NTM: variants seen among roughly 807,000 people sequenced by gnomAD.
NTM encodes the protein neurotrimin.
In NTM, 13 loss-of-function variants were observed where a neutral mutation model predicts 42.1. The observed-to-expected ratio is 0.31, with a 90% CI of 0.20 to 0.49. The LOEUF (loss-of-function observed/expected upper bound fraction) is 0.49, where lower values mean the gene tolerates loss of function less well. Ranked by LOEUF, NTM falls within the 20% of genes least tolerant of loss-of-function variation. NTM has a pLI of 0.99. For missense variants in NTM, 373 were observed against 452.8 expected (o/e 0.82, Z 1.60); for synonymous variants, 187 against 179.2 (o/e 1.04, Z -0.35).
chr11:132,040,565 A>C (rs2077051269), intron 2 of NTM, among the ~76,000 whole-genome samples: 1 of 152,204 alleles, frequency 6.6e-6, no homozygotes, highest in Non-Finnish European at 1.5e-5. Flanking sequence ...CAAATAATTA[A>C]TCCCAGGTGC....
At chr11:131,962,174 C>T (rs1380744246) in intron 2 of NTM, among the ~76,000 whole-genome samples, 3 of 152,012 alleles carry the variant, frequency 2.0e-5, no homozygotes, top group African/African-American at 7.2e-5. Context: ...TGAGGGAGCA[C>T]CAAGAAATAC....
At chr11:131,855,756 C>G (rs1443586317) in intron 1 of NTM, among the ~76,000 whole-genome samples, 2 of 152,148 alleles carry the variant, frequency 1.3e-5, no homozygotes, top group Non-Finnish European at 2.9e-5. Flanking sequence ...CTCTTCGGAT[C>G]CTTCTGTCTT....
chr11:132,188,435 C>A (rs2078776917), intron 3 of NTM, among the ~76,000 whole-genome samples: 1 of 152,146 alleles, frequency 6.6e-6, no homozygotes, highest in Admixed American at 6.5e-5. Context: ...GAGGTTCCTT[C>A]TCCTCCCAGA....
At chr11:131,729,555 A>G (rs905151934) in intron 1 of NTM, among the ~76,000 whole-genome samples, 11 of 152,134 alleles carry the variant, frequency 7.2e-5, no homozygotes, top group Non-Finnish European at 1.5e-4. Context: ...ATCACCCCCA[A>G]AAGAAACCCT....
At chr11:131,578,945 A>G (rs2058161154) in intron 1 of NTM, among the ~76,000 whole-genome samples, 1 of 152,192 alleles carries the variant, frequency 6.6e-6, no homozygotes, top group African/African-American at 2.4e-5. Flanking sequence ...GTCACAGGAA[A>G]AAGACAGAAA....
intron 1 of NTM, among the ~76,000 whole-genome samples, chr11:131,659,590 G>A (rs548238975): frequency 2.6e-5 from 4 of 152,198 alleles, no homozygotes; most frequent in African/African-American, 7.2e-5. Context: ...TCTGAAGTAC[G>A]GTGTTTTAGT....
chr11:132,191,042 A>G (rs530961709), intron 3 of NTM, among the ~76,000 whole-genome samples: 50 of 152,322 alleles, frequency 3.3e-4, no homozygotes, highest in African/African-American at 1.2e-3. Flanking sequence ...CCACAGATGT[A>G]GTAAGAGTAG....
intron 1 of NTM, among the ~76,000 whole-genome samples, chr11:131,879,835 T>C (rs2049189987): frequency 6.6e-6 from 1 of 152,180 alleles, no homozygotes; most frequent in Non-Finnish European, 1.5e-5. Context: ...CCATATATAG[T>C]CTTCTTTATG....
At chr11:131,464,365 G>C (rs538895178) in intron 1 of NTM, among the ~76,000 whole-genome samples, 6 of 152,134 alleles carry the variant, frequency 3.9e-5, no homozygotes, top group Admixed American at 2.0e-4. Context: ...AAGCTGGGGG[G>C]GGGGCAGCAA....
chr11:132,014,295 G>A (rs1043752550), intron 2 of NTM, among the ~76,000 whole-genome samples: 7 of 152,022 alleles, frequency 4.6e-5, no homozygotes, highest in Admixed American at 2.0e-4. Context: ...TTCATCAGTC[G>A]ATGGACAGTT....
intron 4 of NTM, among the ~76,000 whole-genome samples, chr11:132,242,852 G>A (rs540576785): frequency 6.6e-6 from 1 of 152,280 alleles, no homozygotes; most frequent in African/African-American, 2.4e-5. Context: ...TACAGAAATC[G>A]AGCTCCAGCT....
In NTM at chr11:131,911,622, C is replaced by A; in HGVS notation, c.141C>A (p.Val47=). The change falls in exon 2 of 9, where the codon GTC becomes GTA. Residue 47 remains valine (V), a synonymous_variant. Transcript: ENST00000683400. ...CCAAAGCTATGGACAACGTGACGGT[C>A]CGGCAGGGGGAGAGCGCCACCCTCA... ...TFPKAMDNVT[V]RQGESATLRC... The A allele has an allele frequency of 6.2e-7, 1 of 1,614,170 alleles. No homozygotes were observed. The highest frequency in any genetic ancestry group is 8.5e-7 in the Non-Finnish European group (1 of 1,180,018).
chr11:132,161,660 GC>G (rs2074322103), intron 3 of NTM, among the ~76,000 whole-genome samples: 1 of 151,300 alleles, frequency 6.6e-6, no homozygotes, highest in Admixed American at 6.6e-5. Context: ...TTCCCCTGGC[GC>G]CCCCTTGCCA....
At position 131,551,045 on chromosome 11, in the gene NTM, G is replaced by GT. The variant is rs567458124; in HGVS notation, c.82+180163dup. On this transcript the variant is annotated intron_variant, in intron 1 of 8. Coordinates refer to ENST00000683400, the MANE Select transcript of NTM (RefSeq NM_001352005.2). ...AGTTGTATTTTATGTTATTTTATTT[G>GT]TTTTTTGTAGAGAAATGATCTCACT... Among the ~76,000 whole-genome samples, 350 of 152,226 alleles carry GT rather than the reference G, an allele frequency of 2.3e-3. 1 individual carries two copies. In the Middle Eastern group the frequency reaches 0.024, roughly 10 times the overall value.
intron 4 of NTM, among the ~76,000 whole-genome samples, chr11:132,220,617 G>GT (rs1346744779): frequency 1.3e-5 from 2 of 152,120 alleles, no homozygotes; most frequent in Non-Finnish European, 2.9e-5. Context: ...ACTGTTTGTG[G>GT]TTTTACCCAA....
chr11:131,680,717 GCATATGTTTGCATAGGCATGTGTGCCTC>G (rs2072456062), intron 1 of NTM, among the ~76,000 whole-genome samples: 15 of 104,280 alleles, frequency 1.4e-4, no homozygotes, highest in Admixed American at 2.1e-4. Context: ...GTGTGTGTGT[GCATATGTTTGCATAGGCATGTGTGCCTC>G]TGTGTCTGTG....
intron 1 of NTM, among the ~76,000 whole-genome samples, chr11:131,669,990 G>A (rs2069830255): frequency 1.3e-5 from 2 of 152,200 alleles, no homozygotes; most frequent in South Asian, 2.1e-4. Flanking sequence ...GCGTCCGATT[G>A]AAGCGGAGGC....
chr11:131,481,863 G>T (rs1337164801), intron 1 of NTM, among the ~76,000 whole-genome samples: 1 of 152,208 alleles, frequency 6.6e-6, no homozygotes, highest in Non-Finnish European at 1.5e-5. Context: ...GAACAGGCCT[G>T]TTATAGAAGA....
At chr11:131,930,878 C>A (rs1592957966) in intron 2 of NTM, among the ~76,000 whole-genome samples, 1 of 152,294 alleles carries the variant, frequency 6.6e-6, no homozygotes, top group East Asian at 1.9e-4. Flanking sequence ...TGAACAAAGG[C>A]AGAGCTCTAA....
Sources: gnomAD v4.1 joint callset for allele counts (sites outside exome capture counted in the v4.1 genomes callset) on GRCh38, gnomAD v4.1.1 for gene constraint, MANE v1.5 for transcripts, NCBI Gene and HGNC (gene_info 2026-07-23, HGNC 2026-07-21) for gene names.